Variants in USP22 observed in about 807,000 individuals in gnomAD.
USP22 encodes ubiquitin carboxyl-terminal hydrolase 22.
A neutral mutation model predicts 68.1 loss-of-function variants in USP22; 22 were observed. The ratio of observed to expected loss-of-function variants is 0.32; its 90% CI spans 0.23 to 0.46. The LOEUF (loss-of-function observed/expected upper bound fraction) is 0.46. USP22 is among the 20% of genes least tolerant of loss of function. The probability of loss-of-function intolerance (pLI) is 1.00; values close to 1 mark genes in which losing one functional copy is unlikely to be tolerated. For missense variants in USP22, 433 were observed against 695.8 expected (o/e 0.62, Z 4.25); for synonymous variants, 279 against 274.2 (o/e 1.02, Z -0.17).
At chr17:21,034,816 G>A (rs575308390) in intron 1 of USP22, among the ~76,000 whole-genome samples, 1 of 152,124 alleles carries the variant, frequency 6.6e-6, no homozygotes, top group Admixed American at 6.5e-5. Context: ...TACGTGAAAA[G>A]GTAAAAATTC....
At chr17:21,013,201 G>A (rs1320004137) in intron 6 of USP22, among the ~76,000 whole-genome samples, 1 of 152,166 alleles carries the variant, frequency 6.6e-6, no homozygotes, top group African/African-American at 2.4e-5. Flanking sequence ...CCCACCTAAT[G>A]CCCAGTGACT....
intron 1 of USP22, among the ~76,000 whole-genome samples, chr17:21,041,370 G>A (rs950007231): frequency 6.6e-6 from 1 of 151,944 alleles, no homozygotes; most frequent in East Asian, 1.9e-4. Context: ...GGCAGAGGCG[G>A]GTGGATCACC....
intron 1 of USP22, among the ~76,000 whole-genome samples, chr17:21,036,922 G>T (rs370854993): frequency 6.6e-6 from 1 of 152,110 alleles, no homozygotes; most frequent in South Asian, 2.1e-4. Context: ...TCCCAAAAAA[G>T]AAACTAGGGA....
rs1913733980 is a variant in USP22 at position 21,004,967 on chromosome 17, T to C, written c.1346A>G (p.Gln449Arg). ...GAGACTGTCCGTGGGCTGCTGGTAC[T>C]GTCCATTCATCCTGCTCTCTTTGCT... ...ASSKESRMNG[Q>R]YQQPTDSLNN... The change falls in exon 11 of 13, where the codon CAG becomes CGG. Residue 449 changes from glutamine (Q) to arginine (R), a missense_variant. By Grantham distance (43) the Gln-to-Arg change is conservative. This residue lies in a region of USP22 where 178 missense variants were observed against 351.5 expected (regional missense o/e 0.51). Coordinates refer to ENST00000261497, the MANE Select transcript of USP22 (RefSeq NM_015276.2). 6.2e-7 allele frequency: 1 copy of C among 1,614,248 alleles called. No homozygotes were observed. Among genetic ancestry groups the C allele is most frequent in the South Asian group, 1.1e-5 (1 of 91,092 alleles).
chr17:21,005,385 G>A (rs970131202), intron 10 of USP22, among the ~76,000 whole-genome samples: 1 of 152,220 alleles, frequency 6.6e-6, no homozygotes, highest in African/African-American at 2.4e-5. Context: ...ACCTAGGCAG[G>A]TGCCTCCTCA....
chr17:21,011,135 G>C lies in USP22; in HGVS notation c.1103+16C>G. On this transcript the variant is annotated intron_variant, in intron 8 of 12. Coordinates refer to ENST00000261497, the MANE Select transcript of USP22 (RefSeq NM_015276.2). The stretch of plus-strand genomic sequence containing the variant: ...CCAGGAGACACGCCCCCGCCGTGTG[G>C]GTGCAGGCCTCTCACCGTCGCAGGC... 2 of 1,567,292 alleles carry C rather than the reference G, an allele frequency of 1.3e-6. No individual in the cohort carries two copies. The highest frequency in any genetic ancestry group is 1.7e-4 in the Middle Eastern group (1 of 5,778).
intron 2 of USP22, among the ~76,000 whole-genome samples, chr17:21,027,181 G>A (rs535263496): frequency 5.3e-5 from 8 of 150,596 alleles, no homozygotes; most frequent in Admixed American, 2.0e-4. Context: ...TGGTCCCAAC[G>A]AGAGGCTGAG....
intron 1 of USP22, among the ~76,000 whole-genome samples, chr17:21,036,466 G>C (rs533703153): frequency 1.2e-3 from 182 of 147,382 alleles, no homozygotes; most frequent in African/African-American, 3.8e-3. Context: ...GTGGAAATGA[G>C]GAGGGAGTGT....
At chr17:21,043,170 C>T (rs1159800777), upstream of USP22, 1 of 158,780 alleles carries the variant, frequency 6.3e-6, no homozygotes, top group African/African-American at 2.6e-5. Context: ...AGTCTCCAGC[C>T]CGCGCCAGGC....
At chr17:21,039,173 G>T (rs964982826) in intron 1 of USP22, among the ~76,000 whole-genome samples, 1 of 151,714 alleles carries the variant, frequency 6.6e-6, no homozygotes, top group African/African-American at 2.4e-5. Context: ...GGATGGTCTC[G>T]ATCTCCTGAC....
chr17:21,004,831 G>A (rs996674306), intron 11 of USP22, 97 bp downstream of exon 11: 1 of 1,396,778 alleles, frequency 7.2e-7, no homozygotes, highest in Non-Finnish European at 9.9e-7. Flanking sequence ...CAGGTCAGTG[G>A]CGGGGGATCC....
rs1913833997 is a variant in USP22 at position 21,008,064 on chromosome 17, G to A, written c.1104-68C>T. The A allele has an allele frequency of 3.2e-6, 5 of 1,546,438 alleles. No homozygotes were observed. In the African/African-American group the frequency reaches 4.1e-5, roughly 13 times the overall value. ...AGAGACAGAAAAATGAGAGGAAAGA[G>A]GTATTTTATCTCTTTCATTGGGTTG... On this transcript the variant is annotated intron_variant, in intron 8 of 12. Transcript: ENST00000261497.
chr17:21,016,410 C>A (rs192869262), intron 5 of USP22, among the ~76,000 whole-genome samples: 2 of 152,334 alleles, frequency 1.3e-5, no homozygotes, highest in East Asian at 3.9e-4. Context: ...AGCAGCACAC[C>A]TTCCATCCCA....
At chr17:21,036,615 T>A (rs556138036) in intron 1 of USP22, among the ~76,000 whole-genome samples, 3 of 151,468 alleles carry the variant, frequency 2.0e-5, no homozygotes, top group Non-Finnish European at 2.9e-5. Flanking sequence ...AGTAAGTAGA[T>A]TGTCGACAGT....
At chr17:21,042,575 G>C in intron 1 of USP22, 90 bp downstream of exon 1, 1 of 1,214,010 alleles carries the variant, frequency 8.2e-7, no homozygotes, top group Non-Finnish European at 1.0e-6. Flanking sequence ...CGGGGGAAGG[G>C]AAGAGGGCAG....
At chr17:21,017,877 T>G in intron 5 of USP22, 65 bp downstream of exon 5, 4 of 1,387,742 alleles carry the variant, frequency 2.9e-6, no homozygotes. Context: ...CCACCTTAAA[T>G]TTTTTTTTTG....
At chr17:21,037,461 A>C (rs947572041) in intron 1 of USP22, among the ~76,000 whole-genome samples, 1 of 152,202 alleles carries the variant, frequency 6.6e-6, no homozygotes, top group Non-Finnish European at 1.5e-5. Flanking sequence ...TCCTTAATTT[A>C]CGGGAATGAG....
chr17:21,019,282 G>A, intron 3 of USP22, 97 bp from the exon 4 acceptor site: 1 of 1,185,682 alleles, frequency 8.4e-7, no homozygotes, highest in Non-Finnish European at 1.2e-6. Context: ...GTCTGTCAGG[G>A]TGCATTTCAG....
At chr17:21,003,189 C>G (rs975239306) in intron 12 of USP22, 116 bp from the exon 13 acceptor site, 4 of 1,274,022 alleles carry the variant, frequency 3.1e-6, no homozygotes, top group Non-Finnish European at 4.5e-6. Flanking sequence ...CGGCCAGGCC[C>G]GAGTTGATGG....
Sources: allele counts gnomAD v4.1 joint callset (sites outside exome capture counted in the v4.1 genomes callset), GRCh38; gene constraint gnomAD v4.1.1; regional missense constraint gnomAD v4.1.1; transcripts MANE v1.5; gene names NCBI Gene and HGNC (gene_info 2026-07-23, HGNC 2026-07-21).